The following SAMD12 variants were observed in gnomAD, a reference collection of about 807,000 sequenced individuals.
SAMD12 encodes the protein sterile alpha motif domain-containing protein 12.
Under a neutral mutation model 15.0 loss-of-function variants are expected in SAMD12, and 9 were observed. The observed-to-expected ratio is 0.60, with a 90% CI of 0.36 to 1.05. SAMD12 has a LOEUF of 1.05. SAMD12 is among the 50% of genes least tolerant of loss of function. The probability of loss-of-function intolerance (pLI) is 0.01; values close to 1 mark genes in which losing one functional copy is unlikely to be tolerated. For synonymous variants in SAMD12, 86 were observed against 90.1 expected (o/e 0.96, Z 0.25); for missense variants, 230 against 234.2 (o/e 0.98, Z 0.12).
Position 118,543,627 on chromosome 8 carries a change from C to T in SAMD12, c.192+37088G>A, listed in dbSNP as rs59392167. 4.0e-3 allele frequency among the ~76,000 whole-genome samples: 462 copies of T among 116,896 alleles called. 3 individuals carry two copies. The highest frequency in any genetic ancestry group is 0.02 in the African/African-American group (441 of 21,582). The allele number at this position is 116,896 out of a possible 152,430, so 76.7% of individuals were successfully genotyped here. On this transcript the variant is annotated intron_variant, in intron 2 of 3. Transcript: ENST00000314727. Reference sequence around the variant, plus strand: ...AGATTTTTTTTTCTTTTCTTTCTTTCTTTCTTTTTTTTTTTTTTTTTAGCT... The same window carrying T: ...AGATTTTTTTTTCTTTTCTTTCTTTTTTTCTTTTTTTTTTTTTTTTTAGCT...
intron 3 of SAMD12, among the ~76,000 whole-genome samples, chr8:118,414,766 T>G (rs1821598163): frequency 6.6e-6 from 1 of 152,192 alleles, no homozygotes. Flanking sequence ...AAGAATTTTC[T>G]AATTAAAAGT....
At chr8:118,242,456 CAG>C (rs953767664) in intron 4 of SAMD12, among the ~76,000 whole-genome samples, 6 of 151,790 alleles carry the variant, frequency 4.0e-5, no homozygotes, top group South Asian at 2.1e-4. Flanking sequence ...AAGATATTTT[CAG>C]AGAGAGAGAG....
chr8:118,352,428 G>A (rs1818002093), intron 4 of SAMD12, among the ~76,000 whole-genome samples: 1 of 151,798 alleles, frequency 6.6e-6, no homozygotes, highest in African/African-American at 2.4e-5. Context: ...AATTACAAGA[G>A]CACACACAAC....
rs539229271 is a variant in SAMD12 at position 118,587,951 on chromosome 8, G to A, written c.14-7058C>T. Among the ~76,000 whole-genome samples, 128 of 152,248 alleles carry A rather than the reference G, an allele frequency of 8.4e-4. 1 individual carries two copies. Among genetic ancestry groups the A allele is most frequent in the African/African-American group, 3.0e-3 (123 of 41,526 alleles). On this transcript the variant is annotated intron_variant, in intron 1 of 3. Coordinates refer to ENST00000314727, the MANE Select transcript of SAMD12 (RefSeq NM_207506.3). ...AACAGAAATCCTAGTAAAATGTTCT[G>A]GTCTGGGTTTCACAGCTCCTATTAT...
intron 2 of SAMD12, among the ~76,000 whole-genome samples, chr8:118,482,460 A>G (rs1824153988): frequency 6.6e-6 from 1 of 150,946 alleles, no homozygotes; most frequent in South Asian, 2.1e-4. Flanking sequence ...TGGACGGGAA[A>G]TATATATTTT....
chr8:118,180,565 G>A, the SAMD12 span, among the ~76,000 whole-genome samples: 4,525 of 124,528 alleles, frequency 0.036, 86 homozygotes, highest in South Asian at 0.092. Flanking sequence ...TCTCTCTCTC[G>A]CTCTTTATTT....
At chr8:118,577,631 A>T (rs1827185758) in intron 2 of SAMD12, among the ~76,000 whole-genome samples, 1 of 152,184 alleles carries the variant, frequency 6.6e-6, no homozygotes, top group Non-Finnish European at 1.5e-5. Context: ...TTGCATAATC[A>T]GTCAGAAGCA....
chr8:118,593,542 C>G, intron 1 of SAMD12, among the ~76,000 whole-genome samples: 1 of 152,148 alleles, frequency 6.6e-6, no homozygotes, highest in African/African-American at 2.4e-5. Flanking sequence ...CTCAGTTGCA[C>G]TAGCCACATT....
At chr8:118,212,651 A>T (rs1211184837) in intron 4 of SAMD12, among the ~76,000 whole-genome samples, 2 of 152,256 alleles carry the variant, frequency 1.3e-5, no homozygotes, top group East Asian at 3.8e-4. Flanking sequence ...CACTAATGGC[A>T]CTGTTTCTTT....
intron 2 of SAMD12, among the ~76,000 whole-genome samples, chr8:118,495,116 C>T (rs941399089): frequency 1.3e-5 from 2 of 152,154 alleles, no homozygotes; most frequent in Admixed American, 6.5e-5. Flanking sequence ...AGGTTAGTTG[C>T]CATCACTATT....
chr8:118,332,208 A>G (rs1259834702), intron 4 of SAMD12, among the ~76,000 whole-genome samples: 4 of 152,250 alleles, frequency 2.6e-5, no homozygotes, highest in Admixed American at 1.3e-4. Context: ...GTATAACACC[A>G]AAATATTAAC....
chr8:118,417,539 G>A (rs1036496487), intron 3 of SAMD12, among the ~76,000 whole-genome samples: 2 of 152,058 alleles, frequency 1.3e-5, no homozygotes, highest in Non-Finnish European at 2.9e-5. Flanking sequence ...CAATTAGTAG[G>A]TAATGAATGA....
intron 4 of SAMD12, among the ~76,000 whole-genome samples, chr8:118,257,513 T>C (rs751017946): frequency 2.0e-5 from 3 of 152,158 alleles, no homozygotes; most frequent in Non-Finnish European, 4.4e-5. Flanking sequence ...TCTTGATTTC[T>C]CTTCAACAGA....
chr8:118,163,830 G>A, the SAMD12 span, among the ~76,000 whole-genome samples: 4 of 151,516 alleles, frequency 2.6e-5, no homozygotes, highest in Non-Finnish European at 5.9e-5. Context: ...AGCCGAGATC[G>A]CGCCACTGCC....
At chr8:118,553,135 C>G (rs1025946410) in intron 2 of SAMD12, among the ~76,000 whole-genome samples, 1 of 151,610 alleles carries the variant, frequency 6.6e-6, no homozygotes, top group African/African-American at 2.4e-5. Context: ...CAATGCCATC[C>G]CCATCAAGCT....
chr8:118,219,893 A>G (rs900646990), intron 4 of SAMD12, among the ~76,000 whole-genome samples: 3 of 152,224 alleles, frequency 2.0e-5, no homozygotes, highest in African/African-American at 7.2e-5. Flanking sequence ...AACTCTCAAC[A>G]TTGTGAGATA....
chr8:118,325,111 C>T (rs1197075214), intron 4 of SAMD12, among the ~76,000 whole-genome samples: 1 of 152,188 alleles, frequency 6.6e-6, no homozygotes, highest in Non-Finnish European at 1.5e-5. Context: ...ATGTATGTGA[C>T]TACTGCCTGC....
chr8:118,487,696 C>T (rs1824328651), intron 2 of SAMD12, among the ~76,000 whole-genome samples: 1 of 152,120 alleles, frequency 6.6e-6, no homozygotes, highest in Non-Finnish European at 1.5e-5. Flanking sequence ...GATTATTGGT[C>T]CCTTCTTAGA....
intron 1 of SAMD12, among the ~76,000 whole-genome samples, chr8:118,597,077 G>C (rs1447649052): frequency 6.6e-6 from 1 of 152,180 alleles, no homozygotes; most frequent in African/African-American, 2.4e-5. Flanking sequence ...CCCTCAGCAT[G>C]CATGGGGCAC....
Sources: gnomAD v4.1 joint callset for allele counts (sites outside exome capture counted in the v4.1 genomes callset) on GRCh38, gnomAD v4.1.1 for gene constraint, MANE v1.5 for transcripts, NCBI Gene and HGNC (gene_info 2026-07-23, HGNC 2026-07-21) for gene names.